PIK3CA: variants seen among roughly 807,000 people sequenced by gnomAD.
The protein encoded by PIK3CA is phosphatidylinositol 4,5-bisphosphate 3-kinase catalytic subunit alpha isoform.
A neutral mutation model predicts 138.2 loss-of-function variants in PIK3CA; 27 were observed. The ratio of observed to expected loss-of-function variants is 0.20; its 90% CI spans 0.14 to 0.27. The LOEUF is 0.27. Among genes scored for constraint, PIK3CA ranks in the 10% least tolerant of loss-of-function variants. The pLI is 1.00. For synonymous variants in PIK3CA, 358 were observed against 413.2 expected (o/e 0.87, Z 1.62); for missense variants, 544 against 1,277.4 (o/e 0.43, Z 8.75).
At chr3:179,226,175 T>G in intron 17 of PIK3CA, 135 bp downstream of exon 17, 1 of 509,086 alleles carries the variant, frequency 2.0e-6, no homozygotes. Context: ...GATTACACTA[T>G]AGTACTTTGA....
Position 179,203,796 on chromosome 3 carries a change from T to C in PIK3CA, c.1059+7T>C. The stretch of plus-strand genomic sequence containing the variant: ...TATTCGAGACATTGATAAGGTAAAG[T>C]CAAATGCTGATGCTTATTATTTTAT... On this transcript the variant is annotated splice_region_variant and intron_variant, in intron 5 of 20. Transcript: ENST00000263967. The C allele has an allele frequency of 6.3e-7, 1 of 1,587,264 alleles. No homozygotes were observed. Among genetic ancestry groups the C allele is most frequent in the Non-Finnish European group, 8.6e-7 (1 of 1,166,964 alleles).
In PIK3CA at chr3:179,235,465, T is replaced by G. The variant is rs1725315786; in HGVS notation, c.*1101T>G. The G allele has an allele frequency of 1.1e-5, 2 of 189,464 alleles. No homozygotes were observed. The highest frequency in any genetic ancestry group is 3.9e-4 in the South Asian group (2 of 5,126). The allele number at this position is 189,464 out of a possible 1,614,324, so 11.7% of individuals were successfully genotyped here. ...AGATGAGGCTCAGGCACTATCCCAT[T>G]TATACCAATAACCAGTGTATAACTA... is the stretch of plus-strand genomic sequence containing the variant. On this transcript the variant is annotated 3_prime_UTR_variant, in exon 21 of 21. Transcript: ENST00000263967.
rs1724910055 is a variant in PIK3CA at position 179,219,214 on chromosome 3, C to G, written c.1683C>G (p.Ile561Met). 6.3e-7 allele frequency: 1 copy of G among 1,598,842 alleles called. No individual in the cohort carries two copies. Among genetic ancestry groups the G allele is most frequent in the African/African-American group, 1.3e-5 (1 of 74,666 alleles). ...CACACAGACACTATTGTGTAACTATCCCCGAAATTCTACCCAAATTGCTTC... is the reference window on the plus strand; with the variant it reads ...CACACAGACACTATTGTGTAACTATGCCCGAAATTCTACCCAAATTGCTTC... ...LWSHRHYCVTIPEILPKLLLS... is the reference protein window; with the variant it reads ...LWSHRHYCVTMPEILPKLLLS... The change falls in exon 11 of 21, where the codon ATC becomes ATG. Residue 561 changes from isoleucine (I) to methionine (M), a missense_variant. Coordinates refer to ENST00000263967, the MANE Select transcript of PIK3CA (RefSeq NM_006218.4). This position sits in a 1 kb window ranked among gnomAD's most constrained non-coding sequence, Gnocchi z 4.2.
chr3:179,233,252 T>C, intron 20 of PIK3CA: 1 of 398,046 alleles, frequency 2.5e-6, no homozygotes, highest in Non-Finnish European at 4.4e-6. Context: ...TCTTTTCCAA[T>C]TTGGATGCCA....
In PIK3CA at chr3:179,149,931, G is replaced by C. The variant is rs561268443; in HGVS notation, c.-77+1328G>C. 3.3e-5 allele frequency among the ~76,000 whole-genome samples: 5 copies of C among 152,130 alleles called. 1 individual carries two copies. In the South Asian group the frequency reaches 1.0e-3, roughly 31 times the overall value. ...AATACCGTGTTGCTAAGTTAGTTTG[G>C]ATAAATCAAAACACTTTGCTTTCAA... is the stretch of plus-strand genomic sequence containing the variant. On this transcript the variant is annotated intron_variant, in intron 1 of 20. Transcript: ENST00000263967.
intron 1 of PIK3CA, among the ~76,000 whole-genome samples, chr3:179,163,848 G>A (rs560126007): frequency 1.3e-5 from 2 of 152,102 alleles, no homozygotes; most frequent in African/African-American, 4.8e-5. Flanking sequence ...TTGCTGGTGA[G>A]GGTGCCATGC....
At chr3:179,185,784 C>G (rs1049092432) in intron 1 of PIK3CA, among the ~76,000 whole-genome samples, 4 of 152,174 alleles carry the variant, frequency 2.6e-5, no homozygotes, top group East Asian at 1.9e-4. Flanking sequence ...GAAGAAGATG[C>G]ATAGGGCAGG....
chr3:179,202,869 G>A (rs1398344298), intron 4 of PIK3CA, among the ~76,000 whole-genome samples: 2 of 151,954 alleles, frequency 1.3e-5, no homozygotes, highest in African/African-American at 4.8e-5. Flanking sequence ...GAATGACAGA[G>A]GCGTCCTAAG....
At chr3:179,209,058 TAA>T (rs933660130) in intron 6 of PIK3CA, among the ~76,000 whole-genome samples, 1 of 148,576 alleles carries the variant, frequency 6.7e-6, no homozygotes, top group African/African-American at 2.4e-5. Flanking sequence ...TAAATATAAA[TAA>T]GTTTTTTAGT....
chr3:179,213,325 G>T (rs1724762907), intron 9 of PIK3CA, among the ~76,000 whole-genome samples: 1 of 152,212 alleles, frequency 6.6e-6, no homozygotes, highest in African/African-American at 2.4e-5. Flanking sequence ...CATCTGTAAA[G>T]TGTGTAATAG....
rs1576929712 is a variant in PIK3CA, at chr3:179,194,154, C to A, written c.-76-4596C>A. Among the ~76,000 whole-genome samples, 3 of 152,164 alleles carry A rather than the reference C, an allele frequency of 2.0e-5. No homozygotes were observed. In the South Asian group the frequency reaches 6.2e-4, roughly 32 times the overall value. On this transcript the variant is annotated intron_variant, in intron 1 of 20. Transcript: ENST00000263967. ...CTTGAAAAGCAATTTTTAAAGAAAT[C>A]TGAGAGAATTTAAAAATCATTTTAA...
intron 1 of PIK3CA, among the ~76,000 whole-genome samples, chr3:179,194,986 G>A (rs1207606448): frequency 6.9e-6 from 1 of 144,112 alleles, no homozygotes; most frequent in Non-Finnish European, 1.5e-5. Flanking sequence ...ACTTAGCCTA[G>A]AGCCTGACAT....
intron 1 of PIK3CA, among the ~76,000 whole-genome samples, chr3:179,158,256 C>T (rs1303574981): frequency 6.6e-6 from 1 of 152,044 alleles, no homozygotes; most frequent in African/African-American, 2.4e-5. Flanking sequence ...AATGCTATTT[C>T]ATACCTACTC....
In PIK3CA at chr3:179,210,537, C is replaced by T. The variant is rs2108401651; in HGVS notation, c.1511C>T (p.Ala504Val). 1 of 1,613,968 alleles carries T rather than the reference C, an allele frequency of 6.2e-7. No individual in the cohort carries two copies. ...EHANWSVSRE[A>V]GFSYSHAGLS... ...GCCAATTGGTCTGTATCCCGAGAAGCAGGATTTAGCTATTCCCACGCAGGA... is the reference window on the plus strand; with the variant it reads ...GCCAATTGGTCTGTATCCCGAGAAGTAGGATTTAGCTATTCCCACGCAGGA... Residue 504 changes from alanine (A) to valine (V), a missense_variant, in exon 9 of 21, where the codon GCA (alanine) becomes GTA (valine). Ala to Val is a moderately conservative substitution (Grantham distance 64). Around this residue, in one of 14 missense-constraint regions of PIK3CA, gnomAD observed 52 missense variants for 83.4 expected, o/e 0.62. Transcript: ENST00000263967.
chr3:179,170,990 A>G (rs145153251), intron 1 of PIK3CA, among the ~76,000 whole-genome samples: 3 of 152,306 alleles, frequency 2.0e-5, no homozygotes, highest in East Asian at 3.9e-4. Context: ...TAGAAAACAC[A>G]TTATTCTAAA....
intron 1 of PIK3CA, among the ~76,000 whole-genome samples, chr3:179,171,020 C>A (rs953611528): frequency 6.6e-6 from 1 of 152,010 alleles, no homozygotes; most frequent in Non-Finnish European, 1.5e-5. Flanking sequence ...TAACATTAGC[C>A]AGGGTGAATA....
chr3:179,227,950 A>C (rs984009111), intron 17 of PIK3CA, among the ~76,000 whole-genome samples: 2 of 152,036 alleles, frequency 1.3e-5, no homozygotes, highest in African/African-American at 4.8e-5. Flanking sequence ...GGATTATTTG[A>C]GTTGTGAGCT....
At chr3:179,231,023 A>G (rs890290381) in intron 20 of PIK3CA, among the ~76,000 whole-genome samples, 1 of 152,018 alleles carries the variant, frequency 6.6e-6, no homozygotes, top group Non-Finnish European at 1.5e-5. Flanking sequence ...ATCACTCTGT[A>G]TGCCTTTGTG....
At chr3:179,226,121 G>A (rs1725075649) in intron 17 of PIK3CA, 81 bp downstream of exon 17, 1 of 730,656 alleles carries the variant, frequency 1.4e-6, no homozygotes, top group Non-Finnish European at 2.4e-6. Context: ...AGCATATAGA[G>A]GCATATGTCT....
Sources: gnomAD v4.1 joint callset for allele counts (sites outside exome capture counted in the v4.1 genomes callset) on GRCh38, gnomAD v4.1.1 for gene constraint, gnomAD v4.1.1 regional missense constraint, Gnocchi (gnomAD v3.1) non-coding constraint, MANE v1.5 for transcripts, NCBI Gene and HGNC (gene_info 2026-07-23, HGNC 2026-07-21) for gene names.